The following CNKSR3 variants were observed in gnomAD, a reference collection of about 807,000 sequenced individuals.
CNKSR3 encodes connector enhancer of kinase suppressor of ras 3.
CNKSR3 carries 36 observed loss-of-function variants against 67.7 expected under a neutral mutation model. The observed-to-expected ratio is 0.53, with a 90% CI of 0.41 to 0.70. The LOEUF is 0.70. Ranked by LOEUF, CNKSR3 falls within the 30% of genes least tolerant of loss-of-function variation. The pLI, the probability that CNKSR3 is intolerant of heterozygous loss-of-function variation, is 0.00. For missense variants in CNKSR3, 630 were observed against 695.2 expected (o/e 0.91, Z 1.05); for synonymous variants, 281 against 271.4 (o/e 1.04, Z -0.35).
chr6:154,405,267 C>T lies in CNKSR3; in HGVS notation c.*1087G>A, dbSNP rs1000127023. ...TCTTTTTCACTAGCTTCGTGTATGA[C>T]GCAAAACAGAAATATTTCAATTACA... On this transcript the variant is annotated 3_prime_UTR_variant, in exon 13 of 13. Transcript: ENST00000607772. 1.3e-5 allele frequency: 2 copies of T among 152,358 alleles called. No individual in the cohort carries two copies. The highest frequency in any genetic ancestry group is 2.4e-5 in the African/African-American group (1 of 41,350). 9.4% of individuals were successfully genotyped at this position (152,358 alleles called of 1,614,324 possible).
chr6:154,454,203 A>C (rs1157292852), intron 1 of CNKSR3, among the ~76,000 whole-genome samples: 12 of 152,140 alleles, frequency 7.9e-5, no homozygotes, highest in Non-Finnish European at 4.4e-5. Context: ...ACCTGGAGCA[A>C]GTTACTCAGC....
intron 7 of CNKSR3, among the ~76,000 whole-genome samples, chr6:154,423,699 T>C (rs1294168283): frequency 6.6e-6 from 1 of 152,254 alleles, no homozygotes; most frequent in East Asian, 1.9e-4. Flanking sequence ...GTCTGTCATC[T>C]CGTTTCCTTA....
At chr6:154,476,492 A>G (rs1055307659) in intron 1 of CNKSR3, among the ~76,000 whole-genome samples, 7 of 151,548 alleles carry the variant, frequency 4.6e-5, no homozygotes, top group Non-Finnish European at 7.4e-5. Flanking sequence ...ACCTTCACCC[A>G]AGGCCTGTTT....
In CNKSR3 at chr6:154,389,762, A is replaced by C. The variant is rs1398710732; in HGVS notation, c.*16592T>G. ...GATTTCTATACATTAACACAGAACT[A>C]TCTAAAAAGGAAATTAGCGAAACAA... On this transcript the variant is annotated 3_prime_UTR_variant, in exon 13 of 13. Coordinates refer to ENST00000607772, the MANE Select transcript of CNKSR3 (RefSeq NM_173515.4). 2 of 152,256 alleles carry C rather than the reference A, an allele frequency of 1.3e-5. No individual in the cohort carries two copies. The highest frequency in any genetic ancestry group is 1.3e-4 in the Admixed American group (2 of 15,286). 9.4% of individuals were successfully genotyped at this position (152,256 alleles called of 1,614,324 possible). A position where few individuals can be genotyped will look rare whatever the true frequency, so the allele number is the denominator to read the frequency against.
In CNKSR3 at chr6:154,433,412, T is replaced by A. The variant is rs183214292; in HGVS notation, c.549+54A>T. On this transcript the variant is annotated intron_variant, in intron 5 of 12. Coordinates refer to ENST00000607772, the MANE Select transcript of CNKSR3 (RefSeq NM_173515.4). ...CCACAGGGCATTTACTTAATGTGAT[T>A]CCCACTGCCTTTGGAAAATGAATTT... is the stretch of plus-strand genomic sequence containing the variant. 1,096 of 1,238,142 alleles carry A rather than the reference T, an allele frequency of 8.9e-4. 5 individuals carry two copies. The highest frequency in any genetic ancestry group is 1.8e-4 in the Non-Finnish European group (158 of 857,204). The allele number at this position is 1,238,142 out of a possible 1,614,324, so 76.7% of individuals were successfully genotyped here.
chr6:154,421,552 G>T (rs1270061284), intron 9 of CNKSR3, among the ~76,000 whole-genome samples: 2 of 152,218 alleles, frequency 1.3e-5, no homozygotes, highest in South Asian at 4.1e-4. Context: ...GGCATAACAA[G>T]GAGTGTGACC....
In CNKSR3 at chr6:154,422,907, A is replaced by G; in HGVS notation, c.798+8T>C. 3.1e-6 allele frequency: 5 copies of G among 1,600,598 alleles called. No homozygotes were observed. The highest frequency in any genetic ancestry group is 4.3e-6 in the Non-Finnish European group (5 of 1,171,926). On this transcript the variant is annotated splice_region_variant and intron_variant, in intron 8 of 12. Transcript: ENST00000607772. Reference sequence around the variant, plus strand: ...GGAGGAAAATTGAGCCTCAATAAACAAACTCACCACAGTTTGCTGATTAAC... The same window carrying G: ...GGAGGAAAATTGAGCCTCAATAAACGAACTCACCACAGTTTGCTGATTAAC...
chr6:154,484,480 C>A (rs1786625919), intron 1 of CNKSR3, among the ~76,000 whole-genome samples: 2 of 152,020 alleles, frequency 1.3e-5, no homozygotes, highest in South Asian at 4.2e-4. Flanking sequence ...CCAAGGCGGG[C>A]AGATCACAAG....
chr6:154,495,457 C>T (rs1465023424), intron 1 of CNKSR3, among the ~76,000 whole-genome samples: 3 of 150,850 alleles, frequency 2.0e-5, no homozygotes, highest in Non-Finnish European at 4.4e-5. Flanking sequence ...TAGCCTCGAA[C>T]TCCTAGGCTC....
Position 154,422,939 on chromosome 6 carries a change from G to A in CNKSR3, c.774C>T (p.Val258=), listed in dbSNP as rs750392784. ...RSQKIHAGDE[V]IQVNQQTVVG... ...CCACAGTTTGCTGATTAACTTGAAT[G>A]ACTTCGTCACCAGCATGAATCTTCT... Residue 258 remains valine (V), a synonymous_variant, in exon 8 of 13, where the codon GTC becomes GTT. Coordinates refer to ENST00000607772, the MANE Select transcript of CNKSR3 (RefSeq NM_173515.4). 11 of 1,612,788 alleles carry A rather than the reference G, an allele frequency of 6.8e-6. No homozygotes were observed. Among genetic ancestry groups the A allele is most frequent in the Admixed American group, 1.7e-5 (1 of 59,932 alleles).
chr6:154,451,509 ACACG>A (rs1785830512), intron 1 of CNKSR3, among the ~76,000 whole-genome samples: 1 of 120,796 alleles, frequency 8.3e-6, no homozygotes, highest in Non-Finnish European at 1.7e-5. Flanking sequence ...ACATGCACAC[ACACG>A]CGCACACTCG....
intron 1 of CNKSR3, among the ~76,000 whole-genome samples, chr6:154,477,953 G>A (rs550382551): frequency 5.3e-5 from 8 of 152,192 alleles, no homozygotes; most frequent in Admixed American, 2.0e-4. Context: ...AGCCATCACA[G>A]AAGAACGTCC....
At chr6:154,492,909 T>A (rs957850802) in intron 1 of CNKSR3, among the ~76,000 whole-genome samples, 1 of 152,196 alleles carries the variant, frequency 6.6e-6, no homozygotes, top group East Asian at 1.9e-4. Context: ...TAAATCCTAC[T>A]GGCCTTTCAG....
In CNKSR3 at chr6:154,485,219, T is replaced by C. The variant is rs982406386; in HGVS notation, c.52+24844A>G. Among the ~76,000 whole-genome samples the C allele has an allele frequency of 2.6e-5, 4 of 152,150 alleles. No homozygotes were observed. The South Asian group carries it at 6.2e-4, about 24-fold the overall frequency. On this transcript the variant is annotated intron_variant, in intron 1 of 12. Coordinates refer to ENST00000607772, the MANE Select transcript of CNKSR3 (RefSeq NM_173515.4). ...ACCTATAATGTTTGGGAGGAGAGGA[T>C]TGGTCTAGGTATCTTACAAATATCT...
intron 9 of CNKSR3, among the ~76,000 whole-genome samples, chr6:154,415,122 A>G (rs1784994781): frequency 7.9e-6 from 1 of 126,448 alleles, no homozygotes; most frequent in Non-Finnish European, 1.8e-5. Flanking sequence ...AAAAAAAAAA[A>G]CAAGAAAGAA....
At chr6:154,465,915 G>A (rs1786188712) in intron 1 of CNKSR3, among the ~76,000 whole-genome samples, 1 of 152,162 alleles carries the variant, frequency 6.6e-6, no homozygotes, top group Non-Finnish European at 1.5e-5. Context: ...AGGAAATCTG[G>A]ATGGAATTCT....
intron 12 of CNKSR3, among the ~76,000 whole-genome samples, chr6:154,408,390 C>T (rs1199163512): frequency 2.0e-5 from 3 of 152,236 alleles, no homozygotes; most frequent in East Asian, 1.9e-4. Flanking sequence ...GGAAATCACA[C>T]GAAACATTCA....
intron 1 of CNKSR3, among the ~76,000 whole-genome samples, chr6:154,459,088 GAAGAAA>G (rs1312108521): frequency 2.8e-5 from 4 of 145,364 alleles, no homozygotes; most frequent in East Asian, 2.0e-4. Flanking sequence ...GAAAGAGAAA[GAAGAAA>G]AAGAAAGAGA....
intron 9 of CNKSR3, among the ~76,000 whole-genome samples, chr6:154,420,378 A>G (rs4870283): frequency 0.14 from 20,630 of 152,112 alleles, 1,561 homozygotes; most frequent in East Asian, 0.25. Context: ...TGTATAGCAC[A>G]GTGACTATAG....
Sources: allele counts gnomAD v4.1 joint callset (sites outside exome capture counted in the v4.1 genomes callset), GRCh38; gene constraint gnomAD v4.1.1; transcripts MANE v1.5; gene names NCBI Gene and HGNC (gene_info 2026-07-23, HGNC 2026-07-21).